Variants in MASP2 observed in about 807,000 individuals in gnomAD.
MASP2 encodes the protein mannan-binding lectin serine protease 2.
Under a neutral mutation model 57.1 loss-of-function variants are expected in MASP2, and 49 were observed. The observed-to-expected ratio is 0.86, with a 90% CI of 0.68 to 1.09. The LOEUF (loss-of-function observed/expected upper bound fraction) is 1.09. Among genes scored for constraint, MASP2 ranks in the 50% least tolerant of loss-of-function variants. The pLI is 0.00. For missense variants in MASP2, 900 were observed against 874.8 expected, an observed-to-expected ratio of 1.03 and a Z score of -0.36; for synonymous variants, 379 against 340.8, an observed-to-expected ratio of 1.11 and a Z score of -1.24.
chr1:11,044,741 G>T lies in MASP2; in HGVS notation c.544+667C>A. Reference sequence around the variant, plus strand: ...TGAGGCTGTGAGGAGGGTAGGCAGAGAGGAGCGCACCCCGCCGCCTCCCGA... The same window carrying T: ...TGAGGCTGTGAGGAGGGTAGGCAGATAGGAGCGCACCCCGCCGCCTCCCGA... On this transcript the variant is annotated intron_variant, in intron 4 of 10. Transcript: ENST00000400897. The T allele has an allele frequency of 2.8e-6, 4 of 1,437,480 alleles. No homozygotes were observed. The Admixed American group carries it at 6.4e-5, about 23-fold the overall frequency. The allele number at this position is 1,437,480 out of a possible 1,614,324, so 89.0% of individuals were successfully genotyped here.
At position 11,027,138 on chromosome 1, in the gene MASP2, T is replaced by C; in HGVS notation, c.1808A>G (p.Glu603Gly). 1.2e-6 allele frequency: 2 copies of C among 1,613,272 alleles called. No individual in the cohort carries two copies. Among genetic ancestry groups the C allele is most frequent in the Non-Finnish European group, 1.7e-6 (2 of 1,179,664 alleles). ...ACTTCCCCTTGGATAGGGTGGCTTT[T>C]CATATGCAGCAGTACATTTTTGATG... ...VDHQKCTAAY[E>G]KPPYPRGSVT... is the part of the protein sequence containing the mutation. The change falls in exon 11 of 11, where the codon GAA becomes GGA. Residue 603 changes from glutamate to glycine, a missense_variant. Transcript: ENST00000400897.
At chr1:11,031,269 A>G (rs1643839462) in intron 8 of MASP2, among the ~76,000 whole-genome samples, 1 of 150,398 alleles carries the variant, frequency 6.6e-6, no homozygotes, top group South Asian at 2.1e-4. Context: ...CATGCCTGTA[A>G]TCCCGGCACT....
chr1:11,030,118 T>C, intron 10 of MASP2, 58 bp downstream of exon 10: 1 of 1,286,726 alleles, frequency 7.8e-7, no homozygotes, highest in Non-Finnish European at 1.1e-6. Flanking sequence ...CCTCACTGTC[T>C]CCTACCCAGT....
chr1:11,036,802 A>G (rs921614524), intron 7 of MASP2, among the ~76,000 whole-genome samples: 1 of 152,018 alleles, frequency 6.6e-6, no homozygotes, highest in African/African-American at 2.4e-5. Flanking sequence ...CATTTTTTAA[A>G]ATTATACTCC....
At chr1:11,043,224 G>A in intron 5 of MASP2, 115 bp downstream of exon 5, 1 of 1,063,894 alleles carries the variant, frequency 9.4e-7, no homozygotes, top group Middle Eastern at 2.4e-4. Flanking sequence ...ACCTGAAGAG[G>A]TGGGGGTCAC....
At chr1:11,030,111 C>T (rs1643817448) in intron 10 of MASP2, 65 bp downstream of exon 10, 3 of 1,187,658 alleles carry the variant, frequency 2.5e-6, no homozygotes, top group Admixed American at 2.0e-5. Context: ...AAGCTCTCCT[C>T]ACTGTCTCCT....
chr1:11,046,990 C>T lies in MASP2; in HGVS notation c.135G>A (p.Arg45=). Residue 45 remains arginine (R), a synonymous_variant, in exon 2 of 11, where the codon CGG becomes CGA. Transcript: ENST00000400897. ...FPGEYANDQE[R]RWTLTAPPGY... ...CGGGGGGTGCAGTCAGGGTCCAGCG[C>T]CGCTCCTGGTCATTGGCATACTCCC... 2 of 1,555,866 alleles carry T rather than the reference C, an allele frequency of 1.3e-6. No individual in the cohort carries two copies. Among genetic ancestry groups the T allele is most frequent in the Non-Finnish European group, 1.7e-6 (2 of 1,149,482 alleles).
At position 11,032,384 on chromosome 1, in the gene MASP2, G is replaced by T. The variant is rs189787514; in HGVS notation, c.1088-1502C>A. 4.9e-4 allele frequency among the ~76,000 whole-genome samples: 75 copies of T among 152,234 alleles called. 1 individual carries two copies. The highest frequency in any genetic ancestry group is 4.9e-3 in the Admixed American group (75 of 15,284). On this transcript the variant is annotated intron_variant, in intron 8 of 10. Transcript: ENST00000400897. ...TGCAGCACTTTGGGAGGCCAAGGTGGGTGGATCACTTGAGATTAGGAGTTG... is the reference window on the plus strand; with the variant it reads ...TGCAGCACTTTGGGAGGCCAAGGTGTGTGGATCACTTGAGATTAGGAGTTG...
intron 6 of MASP2, 62 bp from the exon 7 acceptor site, chr1:11,037,873 G>T (rs573808390): frequency 2.2e-6 from 2 of 909,976 alleles, no homozygotes; most frequent in Non-Finnish European, 1.7e-6. Flanking sequence ...AGACTGAATC[G>T]AGCCATCTGA....
Position 11,045,428 on chromosome 1 carries a change from C to G in MASP2, c.524G>C (p.Arg175Pro). 1 of 1,613,184 alleles carries G rather than the reference C, an allele frequency of 6.2e-7. No individual in the cohort carries two copies. The highest frequency in any genetic ancestry group is 1.7e-4 in the Middle Eastern group (1 of 6,046). ...CTCACCTGAGCAGGTGCGCTTGTTACGGTGCAGGACGTAGCCTGCGCGGCA... is the reference window on the plus strand; with the variant it reads ...CTCACCTGAGCAGGTGCGCTTGTTAGGGTGCAGGACGTAGCCTGCGCGGCA... Reference protein sequence around the residue: ...CSCRAGYVLHRNKRTCSALCS... With the variant: ...CSCRAGYVLHPNKRTCSALCS... The change falls in exon 4 of 11, where the codon CGT becomes CCT. Residue 175 changes from arginine to proline, a missense_variant. Transcript: ENST00000400897.
intron 8 of MASP2, among the ~76,000 whole-genome samples, chr1:11,032,203 T>A (rs549791456): frequency 6.6e-6 from 1 of 152,310 alleles, no homozygotes; most frequent in African/African-American, 2.4e-5. Flanking sequence ...TTGATCATTA[T>A]CCCAGTTTGG....
chr1:11,046,096 TCCA>T (rs1157895832), intron 3 of MASP2: 5 of 261,828 alleles, frequency 1.9e-5, no homozygotes, highest in Non-Finnish European at 3.8e-5. Context: ...CACTGCAGCC[TCCA>T]CCTCGCAGGT....
At position 11,046,878 on chromosome 1, in the gene MASP2, G is replaced by C. The variant is rs72647262; in HGVS notation, c.234+13C>G. 1.9e-6 allele frequency: 3 copies of C among 1,558,958 alleles called. No individual in the cohort carries two copies. The highest frequency in any genetic ancestry group is 2.6e-6 in the Non-Finnish European group (3 of 1,150,898). On this transcript the variant is annotated intron_variant, in intron 2 of 10. Coordinates refer to ENST00000400897, the MANE Select transcript of MASP2 (RefSeq NM_006610.4). The stretch of plus-strand genomic sequence containing the variant: ...GACCCTGAGAAACCCCAGCCCTCCC[G>C]TCCTGACGGCACCTTGACGAAGTCG...
intron 8 of MASP2, among the ~76,000 whole-genome samples, chr1:11,033,345 AAG>A (rs754422114): frequency 1.2e-4 from 18 of 151,176 alleles, no homozygotes; most frequent in Non-Finnish European, 2.4e-4. Context: ...AAAAAAGAAA[AAG>A]AAAAAAATAT....
intron 8 of MASP2, among the ~76,000 whole-genome samples, chr1:11,034,515 T>A (rs913781694): frequency 2.5e-4 from 38 of 151,160 alleles, no homozygotes; most frequent in Non-Finnish European, 5.9e-5. Flanking sequence ...CTGGGCAACA[T>A]GGCAAAACTC....
chr1:11,036,898 T>C (rs1478554315), intron 7 of MASP2, among the ~76,000 whole-genome samples: 1 of 152,076 alleles, frequency 6.6e-6, no homozygotes, highest in Admixed American at 6.6e-5. Context: ...CAGGAGTTGT[T>C]TCATGGAAAG....
rs1638380339 is a variant in MASP2 at position 11,040,157 on chromosome 1, G to A, written c.890-2346C>T. On this transcript the variant is annotated intron_variant, in intron 6 of 10. Coordinates refer to ENST00000400897, the MANE Select transcript of MASP2 (RefSeq NM_006610.4). ...GGTGGATGGAAGGATGGGTAGGTGG[G>A]TGGGTAGATGTACAGAAGGATGGAT... 2.0e-5 allele frequency among the ~76,000 whole-genome samples: 3 copies of A among 151,786 alleles called. No individual in the cohort carries two copies. In the South Asian group the frequency reaches 6.2e-4, roughly 32 times the overall value.
intron 8 of MASP2, 128 bp downstream of exon 8, chr1:11,034,700 G>GA (rs70977538): frequency 0.54 from 262,866 of 490,936 alleles, 39,354 homozygotes; most frequent in Admixed American, 0.63. Context: ...CCCTGTCTCA[G>GA]AAAAAAAAAA....
intron 4 of MASP2, chr1:11,044,767 CCCTCCCA>C: frequency 8.1e-7 from 1 of 1,235,662 alleles, no homozygotes; most frequent in Non-Finnish European, 1.1e-6. Context: ...CGCCTCCCGA[CCCTCCCA>C]CCCCAGAGAC....
Sources: allele counts gnomAD v4.1 joint callset (sites outside exome capture counted in the v4.1 genomes callset), GRCh38; gene constraint gnomAD v4.1.1; transcripts MANE v1.5; gene names NCBI Gene and HGNC (gene_info 2026-07-23, HGNC 2026-07-21).